The following EPRS1 variants were observed in gnomAD, a reference collection of about 807,000 sequenced individuals.
EPRS1 encodes the protein glutamyl-prolyl-tRNA synthetase 1.
A neutral mutation model predicts 188.3 loss-of-function variants in EPRS1; 107 were observed. The observed-to-expected ratio is 0.57, with a 90% CI of 0.49 to 0.67. EPRS1 has a LOEUF of 0.67. EPRS1 is among the 30% of genes least tolerant of loss of function. The pLI is 0.00. For missense variants in EPRS1, 1,577 were observed against 1,802.2 expected, an observed-to-expected ratio of 0.88 and a Z score of 2.26; for synonymous variants, 596 against 593.1, an observed-to-expected ratio of 1.00 and a Z score of -0.07.
At chr1:219,993,913 G>A (rs1661171048) in intron 18 of EPRS1, among the ~76,000 whole-genome samples, 3 of 152,160 alleles carry the variant, frequency 2.0e-5, no homozygotes. Flanking sequence ...TTTGTACATG[G>A]CTCTTGGGAG....
intron 5 of EPRS1, 54 bp downstream of exon 5, chr1:220,032,333 G>A (rs1454927355): frequency 1.4e-4 from 200 of 1,456,472 alleles, no homozygotes; most frequent in Non-Finnish European, 3.9e-5. Context: ...TGATCCGCCC[G>A]CCTCAGCCTC....
At chr1:220,044,030 T>C (rs1662351025) in intron 1 of EPRS1, among the ~76,000 whole-genome samples, 1 of 152,140 alleles carries the variant, frequency 6.6e-6, no homozygotes, top group African/African-American at 2.4e-5. Flanking sequence ...CCAAGTTTGT[T>C]GGGGATGTAC....
At chr1:220,038,655 G>A (rs1662234503) in intron 2 of EPRS1, among the ~76,000 whole-genome samples, 3 of 152,130 alleles carry the variant, frequency 2.0e-5, no homozygotes, top group Admixed American at 2.0e-4. Flanking sequence ...TAGGATTACA[G>A]GCTTGAGCCA....
In EPRS1 at chr1:220,011,062, A is replaced by T; in HGVS notation, c.1495-6T>A. The T allele has an allele frequency of 1.3e-6, 2 of 1,502,602 alleles. No individual in the cohort carries two copies. Among genetic ancestry groups the T allele is most frequent in the Admixed American group, 3.3e-5 (2 of 59,838 alleles). The allele number at this position is 1,502,602 out of a possible 1,614,324, so 93.1% of individuals were successfully genotyped here. A position where few individuals can be genotyped will look rare whatever the true frequency, so the allele number is the denominator to read the frequency against. ...GGAGCCACTGGGTCAATAACCTGCA[A>T]CAAATACATCCTCATGTTAAAACAC... is the stretch of plus-strand genomic sequence containing the variant. On this transcript the variant is annotated splice_polypyrimidine_tract_variant and splice_region_variant and intron_variant, in intron 12 of 31. Transcript: ENST00000366923.
intron 17 of EPRS1, among the ~76,000 whole-genome samples, chr1:219,997,906 T>A (rs1177141552): frequency 7.2e-5 from 11 of 152,214 alleles, no homozygotes; most frequent in African/African-American, 2.7e-4. Flanking sequence ...AACTCTGTGA[T>A]ATAATTGTAA....
rs575102525 is a variant in EPRS1 at position 220,004,629 on chromosome 1, C to T, written c.2063+619G>A. On this transcript the variant is annotated intron_variant, in intron 16 of 31. Coordinates refer to ENST00000366923, the MANE Select transcript of EPRS1 (RefSeq NM_004446.3). ...GACACCTAGATCCTGGAATTTTGAA[C>T]ACGTTGAGTTTGAAATGCTTGAAAG... Among the ~76,000 whole-genome samples, 21 of 152,192 alleles carry T rather than the reference C, an allele frequency of 1.4e-4. No homozygotes were observed. In the South Asian group the frequency reaches 4.2e-3, roughly 30 times the overall value.
chr1:220,024,642 G>A (rs1051510592), intron 7 of EPRS1, among the ~76,000 whole-genome samples, 186 bp from the exon 8 acceptor site: 1 of 152,134 alleles, frequency 6.6e-6, no homozygotes, highest in African/African-American at 2.4e-5. Context: ...CATTATATTA[G>A]CCTCCAAATT....
intron 17 of EPRS1, among the ~76,000 whole-genome samples, chr1:219,997,710 C>T (rs1329113850): frequency 6.6e-6 from 1 of 152,110 alleles, no homozygotes; most frequent in Non-Finnish European, 1.5e-5. Context: ...AAGCTGTTTC[C>T]TTACTATAAA....
intron 2 of EPRS1, among the ~76,000 whole-genome samples, chr1:220,039,587 C>T (rs923897688): frequency 2.0e-5 from 3 of 150,250 alleles, no homozygotes; most frequent in South Asian, 2.1e-4. Flanking sequence ...GGCGCGTTCT[C>T]GGTTTACTGC....
chr1:219,983,287 T>C lies in EPRS1; in HGVS notation c.3202A>G (p.Ile1068Val), dbSNP rs1338393100. The C allele has an allele frequency of 1.2e-6, 2 of 1,614,144 alleles. No individual in the cohort carries two copies. Among genetic ancestry groups the C allele is most frequent in the East Asian group, 2.2e-5 (1 of 44,874 alleles). The change falls in exon 22 of 32, where the codon ATC (isoleucine) becomes GTC (valine). Residue 1068 changes from isoleucine to valine, a missense_variant. Transcript: ENST00000366923. The part of the protein sequence containing the change: ...EAIKDFFDAE[I>V]KKLGVENCYF... ...CAGTTTTCAACACCAAGTTTCTTGA[T>C]CTCAGCATCAAAAAAGTCCTTGATG...
At chr1:220,024,223 A>G (rs1026432507) in intron 8 of EPRS1, 41 bp downstream of exon 8, 9 of 1,318,144 alleles carry the variant, frequency 6.8e-6, no homozygotes, top group Non-Finnish European at 9.4e-6. Context: ...AAGAAGCACA[A>G]TATAAGAATA....
chr1:219,977,688 A>AG (rs1283480247), intron 28 of EPRS1, among the ~76,000 whole-genome samples: 29 of 152,316 alleles, frequency 1.9e-4, no homozygotes, highest in African/African-American at 6.7e-4. Context: ...ATTACATAAA[A>AG]GGGAAACAAT....
At position 220,030,166 on chromosome 1, in the gene EPRS1, TG is replaced by T. The variant is rs1167493511; in HGVS notation, c.623+219del. On this transcript the variant is annotated intron_variant, in intron 6 of 31. Coordinates refer to ENST00000366923, the MANE Select transcript of EPRS1 (RefSeq NM_004446.3). ...AAGTTCTGTCAGGATAAAACTAAAATGTCTCTTTTACTAAGTTGACAAACTA... is the reference window on the plus strand; with the variant it reads ...AAGTTCTGTCAGGATAAAACTAAAATTCTCTTTTACTAAGTTGACAAACTA... 4.6e-5 allele frequency among the ~76,000 whole-genome samples: 7 copies of T among 152,320 alleles called. No homozygotes were observed. In the South Asian group the frequency reaches 8.3e-4, roughly 18 times the overall value.
chr1:219,978,664 G>T lies in EPRS1; in HGVS notation c.3965C>A (p.Ala1322Glu). 1 of 1,611,956 alleles carries T rather than the reference G, an allele frequency of 6.2e-7. No individual in the cohort carries two copies. Among genetic ancestry groups the T allele is most frequent in the Non-Finnish European group, 8.5e-7 (1 of 1,178,776 alleles). The change falls in exon 28 of 32, where the codon GCG becomes GAG. Residue 1322 changes from alanine to glutamate, a missense_variant. Ala to Glu is a moderately radical substitution (Grantham distance 107). Coordinates refer to ENST00000366923, the MANE Select transcript of EPRS1 (RefSeq NM_004446.3). ...ATAATCATTGCATTTTGCAATCAGC[G>T]CTTCTTTGTCTTCTTCAGAAAGTGC... is the stretch of plus-strand genomic sequence containing the variant. ...TNALSEEDKE[A>E]LIAKCNDYRR...
rs779035465 is a variant in EPRS1, at chr1:219,968,753, T to C, written c.*53A>G. The C allele has an allele frequency of 2.3e-5, 36 of 1,563,698 alleles. No individual in the cohort carries two copies. Among genetic ancestry groups the C allele is most frequent in the Non-Finnish European group, 2.9e-5 (33 of 1,134,884 alleles). On this transcript the variant is annotated 3_prime_UTR_variant, in exon 32 of 32. Transcript: ENST00000366923. ...CGGTCTGTATCTGAGAAGATACTAA[T>C]ATCAATGCTTTAAAAAGTGAGAGGA...
intron 10 of EPRS1, 72 bp downstream of exon 10, chr1:220,019,916 C>T: frequency 9.6e-7 from 1 of 1,043,600 alleles, no homozygotes; most frequent in Non-Finnish European, 1.5e-6. Flanking sequence ...TTCCCTATCT[C>T]TCAAGCAGTT....
chr1:219,978,467 G>A (rs926933084), intron 28 of EPRS1, 79 bp downstream of exon 28: 42 of 935,530 alleles, frequency 4.5e-5, no homozygotes, highest in Middle Eastern at 2.4e-4. Context: ...GAGAAACCTC[G>A]TTTTATAAAA....
rs773764151 is a variant in EPRS1, at chr1:220,005,274, T to A, written c.2037A>T (p.Ile679=). 10 of 1,578,076 alleles carry A rather than the reference T, an allele frequency of 6.3e-6. No individual in the cohort carries two copies. Among genetic ancestry groups the A allele is most frequent in the Admixed American group, 1.7e-5 (1 of 57,312 alleles). Residue 679 remains isoleucine, a synonymous_variant, in exon 16 of 32, where the codon ATA becomes ATT. Transcript: ENST00000366923. ...IIQLQRRGFF[I]CDQPYEPVSP... is the part of the protein sequence containing the mutation. ...TAACAGGTTCATAAGGTTGATCACA[T>A]ATGAAGAATCCTCTTCTCTGGAGTT...
chr1:219,982,543 G>A lies in EPRS1; in HGVS notation c.3373+229C>T, dbSNP rs141986554. ...CTAAAAATTTACAGCATAAAAATGA[G>A]TATTTAAATTAAAAATCCTATAATT... On this transcript the variant is annotated intron_variant, in intron 23 of 31. Coordinates refer to ENST00000366923, the MANE Select transcript of EPRS1 (RefSeq NM_004446.3). 607 of 354,778 alleles carry A rather than the reference G, an allele frequency of 1.7e-3. 4 individuals carry two copies. Among genetic ancestry groups the A allele is most frequent in the African/African-American group, 0.012 (581 of 47,550 alleles). The allele number at this position is 354,778 out of a possible 1,614,324, so 22.0% of individuals were successfully genotyped here. A position where few individuals can be genotyped will look rare whatever the true frequency, so the allele number is the denominator to read the frequency against.
Sources: allele counts gnomAD v4.1 joint callset (sites outside exome capture counted in the v4.1 genomes callset), GRCh38; gene constraint gnomAD v4.1.1; transcripts MANE v1.5; gene names NCBI Gene and HGNC (gene_info 2026-07-23, HGNC 2026-07-21).